Variants in SPOCK3 observed in about 807,000 individuals in gnomAD.
The protein encoded by SPOCK3 is SPARC (osteonectin), cwcv and kazal like domains proteoglycan 3.
In SPOCK3, 30 loss-of-function variants were observed where a neutral mutation model predicts 56.6. The observed-to-expected ratio is 0.53, with a 90% CI of 0.40 to 0.72. SPOCK3 has a LOEUF of 0.72. SPOCK3 is among the 30% of genes least tolerant of loss of function. The probability of loss-of-function intolerance (pLI) is 0.00; values close to 1 mark genes in which losing one functional copy is unlikely to be tolerated. For missense variants in SPOCK3, 527 were observed against 530.0 expected (o/e 0.99, Z 0.06); for synonymous variants, 196 against 183.3 (o/e 1.07, Z -0.56).
chr4:166,930,749 C>T (rs1384514378), intron 4 of SPOCK3, among the ~76,000 whole-genome samples: 7 of 152,116 alleles, frequency 4.6e-5, no homozygotes, highest in East Asian at 1.9e-4. Flanking sequence ...TCCTATAAAA[C>T]GTATGTCCAT....
intron 2 of SPOCK3, among the ~76,000 whole-genome samples, chr4:167,159,196 T>C (rs1160357485): frequency 6.6e-6 from 1 of 152,014 alleles, no homozygotes; most frequent in Admixed American, 6.6e-5. Context: ...ATAACTACTA[T>C]AAGTATTAAA....
intron 4 of SPOCK3, among the ~76,000 whole-genome samples, chr4:166,957,654 T>C (rs1480493122): frequency 2.0e-5 from 3 of 152,216 alleles, no homozygotes; most frequent in Admixed American, 6.5e-5. Flanking sequence ...AGCCCACTTC[T>C]GGCATCAGTG....
At chr4:167,086,760 C>A (rs1033092683) in intron 2 of SPOCK3, among the ~76,000 whole-genome samples, 5 of 152,044 alleles carry the variant, frequency 3.3e-5, no homozygotes, top group Non-Finnish European at 5.9e-5. Context: ...CTCAACAGAG[C>A]CAAAAGCTCC....
intron 5 of SPOCK3, among the ~76,000 whole-genome samples, chr4:166,892,736 T>C (rs143730167): frequency 2.0e-5 from 3 of 152,154 alleles, no homozygotes; most frequent in African/African-American, 7.2e-5. Flanking sequence ...CCCCGAGTAT[T>C]GAGATCACTT....
At chr4:166,902,274 C>G (rs1283514701) in intron 5 of SPOCK3, among the ~76,000 whole-genome samples, 2 of 151,854 alleles carry the variant, frequency 1.3e-5, no homozygotes, top group Non-Finnish European at 1.5e-5. Context: ...GCTTTTTTGT[C>G]TGGATGGACT....
At chr4:166,810,864 T>C (rs1743694053) in intron 6 of SPOCK3, among the ~76,000 whole-genome samples, 1 of 151,930 alleles carries the variant, frequency 6.6e-6, no homozygotes, top group South Asian at 2.1e-4. Flanking sequence ...AAAATTAGTG[T>C]TTGAAAAAAA....
chr4:166,892,435 AGTTTT>A (rs2127019444), intron 5 of SPOCK3, among the ~76,000 whole-genome samples: 2 of 152,114 alleles, frequency 1.3e-5, no homozygotes, highest in South Asian at 4.1e-4. Flanking sequence ...AAAGCTACTT[AGTTTT>A]ATTTACTTAT....
Position 166,749,400 on chromosome 4 carries a change from C to A in SPOCK3, c.931+5108G>T, listed in dbSNP as rs1057056225. ...ACTATCACAAGGACAGAAAACCAAA[C>A]ACCACATGTTCTCACTCATAGGTGG... is the stretch of plus-strand genomic sequence containing the variant. On this transcript the variant is annotated intron_variant, in intron 8 of 10. Coordinates refer to ENST00000357545, the MANE Select transcript of SPOCK3 (RefSeq NM_001040159.2). Among the ~76,000 whole-genome samples, 5 of 150,682 alleles carry A rather than the reference C, an allele frequency of 3.3e-5. 1 individual carries two copies. Among genetic ancestry groups the A allele is most frequent in the Non-Finnish European group, 7.4e-5 (5 of 67,856 alleles).
At chr4:166,956,269 T>TA (rs1484077208) in intron 4 of SPOCK3, among the ~76,000 whole-genome samples, 1 of 151,844 alleles carries the variant, frequency 6.6e-6, no homozygotes, top group East Asian at 1.9e-4. Context: ...ATATATGTGA[T>TA]AAAATTTGAT....
intron 2 of SPOCK3, among the ~76,000 whole-genome samples, chr4:167,127,184 G>A (rs1762350625): frequency 6.6e-6 from 1 of 152,018 alleles, no homozygotes; most frequent in South Asian, 2.1e-4. Context: ...AGTAAGATTT[G>A]ACTCAAAATC....
chr4:167,115,593 T>C (rs1057391147), intron 2 of SPOCK3, among the ~76,000 whole-genome samples: 4 of 152,034 alleles, frequency 2.6e-5, no homozygotes, highest in Non-Finnish European at 4.4e-5. Context: ...ATTTTCATGT[T>C]GGGGAATAGA....
At chr4:167,166,823 A>C (rs918784355) in intron 2 of SPOCK3, among the ~76,000 whole-genome samples, 1 of 152,132 alleles carries the variant, frequency 6.6e-6, no homozygotes, top group Non-Finnish European at 1.5e-5. Context: ...TTGTATCATG[A>C]TTCTGTAGCG....
At chr4:167,197,645 T>C (rs1350607663) in intron 2 of SPOCK3, among the ~76,000 whole-genome samples, 3 of 151,942 alleles carry the variant, frequency 2.0e-5, no homozygotes. Context: ...GGGAATAAAC[T>C]TGTGAAATTT....
chr4:166,797,539 C>T (rs1742091875), intron 6 of SPOCK3, among the ~76,000 whole-genome samples: 1 of 151,676 alleles, frequency 6.6e-6, no homozygotes, highest in African/African-American at 2.4e-5. Flanking sequence ...ATGATGGTTT[C>T]CTTCTTTCAT....
chr4:167,083,883 C>T (rs1757944998), intron 2 of SPOCK3, among the ~76,000 whole-genome samples: 2 of 152,008 alleles, frequency 1.3e-5, no homozygotes, highest in African/African-American at 4.8e-5. Flanking sequence ...CATTTTTCTA[C>T]CAAGATCACA....
chr4:167,152,351 C>T (rs1764498520), intron 2 of SPOCK3, among the ~76,000 whole-genome samples: 1 of 152,104 alleles, frequency 6.6e-6, no homozygotes, highest in Admixed American at 6.6e-5. Context: ...AAGAGAGCCG[C>T]AAAATGATTA....
At chr4:167,228,787 A>G (rs1467484150) in intron 2 of SPOCK3, among the ~76,000 whole-genome samples, 1 of 152,048 alleles carries the variant, frequency 6.6e-6, no homozygotes, top group Non-Finnish European at 1.5e-5. Context: ...AAGATTGCCT[A>G]TTGCTTCTCT....
chr4:166,912,798 T>A, intron 4 of SPOCK3, 55 bp from the exon 5 acceptor site: 1 of 1,462,094 alleles, frequency 6.8e-7, no homozygotes. Flanking sequence ...AATATACATT[T>A]ATATTAGCTC....
At chr4:166,767,639 G>A (rs935878679) in intron 7 of SPOCK3, among the ~76,000 whole-genome samples, 5 of 152,226 alleles carry the variant, frequency 3.3e-5, no homozygotes, top group Non-Finnish European at 4.4e-5. Flanking sequence ...TAAGTGCCAT[G>A]TGGTGCTGAG....
Sources: gnomAD v4.1 joint callset for allele counts (sites outside exome capture counted in the v4.1 genomes callset) on GRCh38, gnomAD v4.1.1 for gene constraint, MANE v1.5 for transcripts, NCBI Gene and HGNC (gene_info 2026-07-23, HGNC 2026-07-21) for gene names.